Variants in MYO15B observed in about 807,000 individuals in gnomAD.
The protein encoded by MYO15B is myosin XVB.
A neutral mutation model predicts 119.3 loss-of-function variants in MYO15B; 207 were observed. That is an observed-to-expected ratio of 1.73 (90% CI 1.55 to 1.95). The LOEUF (loss-of-function observed/expected upper bound fraction) is 1.95. Ranked by LOEUF, MYO15B falls within the 30% of genes most tolerant of loss-of-function variation. MYO15B has a pLI of 0.00. For synonymous variants in MYO15B, 966 were observed against 498.9 expected (o/e 1.94, Z -12.48); for missense variants, 2,264 against 1,203.1 (o/e 1.88, Z -13.04).
intron 19 of MYO15B, among the ~76,000 whole-genome samples, chr17:75,604,435 A>C (rs2057482453): frequency 6.6e-6 from 1 of 150,620 alleles, no homozygotes; most frequent in African/African-American, 2.4e-5. Flanking sequence ...GACCTGTGAA[A>C]TGTCCTTCAA....
intron 13 of MYO15B, 22 bp downstream of exon 13, chr17:75,596,577 G>A (rs147983901): frequency 4.4e-5 from 31 of 702,742 alleles, no homozygotes; most frequent in East Asian, 2.1e-4. Context: ...GGGCGTGGAC[G>A]TGGCAGGGGC....
At chr17:75,595,790 G>C (rs1296443869) in intron 12 of MYO15B, among the ~76,000 whole-genome samples, 2 of 152,230 alleles carry the variant, frequency 1.3e-5, no homozygotes, top group East Asian at 3.8e-4. Flanking sequence ...GAGTCCCCCA[G>C]TCTCTCTCAG....
At chr17:75,592,505 C>T in exon 8 of MYO15B, 2 of 606,534 alleles carry the variant, frequency 3.3e-6, no homozygotes, top group South Asian at 3.9e-5. Flanking sequence ...AGCGGCTCTC[C>T]CTGCAGGGAC....
rs2056314940 is a variant in MYO15B at position 75,589,662 on chromosome 17, G to A, written c.1605G>A (p.Glu535=). 5.0e-6 allele frequency: 2 copies of A among 398,974 alleles called. No individual in the cohort carries two copies. Among genetic ancestry groups the A allele is most frequent in the Non-Finnish European group, 8.8e-6 (2 of 226,080 alleles). 24.7% of individuals were successfully genotyped at this position (398,974 alleles called of 1,614,324 possible). The stretch of plus-strand genomic sequence containing the variant: ...TCCCCGGCGACCCTTTTGATCAGGA[G>A]GACGAGACTCCAGATCCCAAGTTCG... Residue 535 remains glutamate (E), a synonymous_variant, in exon 1 of 64, where the codon GAG becomes GAA. Coordinates refer to ENST00000645453, the Ensembl canonical transcript of MYO15B. The surrounding 1 kb of genome is among the most constrained non-coding windows in gnomAD (Gnocchi z 4.2).
intron 13 of MYO15B, 53 bp downstream of exon 13, chr17:75,596,608 A>G (rs534049389): frequency 7.1e-6 from 5 of 699,462 alleles, no homozygotes; most frequent in African/African-American, 7.0e-5. Context: ...TTGCCCAGGC[A>G]GAGGCCATCC....
exon 1 of MYO15B, among the ~76,000 whole-genome samples, chr17:75,587,897 T>C (rs377083076): frequency 1.3e-5 from 2 of 152,372 alleles, no homozygotes; most frequent in East Asian, 1.9e-4. Flanking sequence ...TTCTGCATTA[T>C]TGATGGTCCT....
chr17:75,622,199 C>T (rs2058748597), intron 53 of MYO15B, 119 bp downstream of exon 53: 1 of 651,282 alleles, frequency 1.5e-6, no homozygotes, highest in Non-Finnish European at 2.8e-6. Flanking sequence ...ACTGAGCACC[C>T]ATTGCGTGCA....
chr17:75,609,485 A>ATTTTTTTTTTTTTTTT (rs749247022), intron 21 of MYO15B, among the ~76,000 whole-genome samples: 2 of 77,994 alleles, frequency 2.6e-5, no homozygotes, highest in Non-Finnish European at 4.7e-5. Context: ...AAGGGAAATG[A>ATTTTTTTTTTTTTTTT]TTTTTTTTTT....
At chr17:75,609,966 C>T (rs1275553046) in intron 21 of MYO15B, among the ~76,000 whole-genome samples, 200 bp from the exon 22 acceptor site, 1 of 152,198 alleles carries the variant, frequency 6.6e-6, no homozygotes, top group Admixed American at 6.5e-5. Flanking sequence ...GCTGGGATTA[C>T]AGGCATCAGC....
At chr17:75,618,288 T>C in intron 43 of MYO15B, 103 bp downstream of exon 43, 1 of 673,198 alleles carries the variant, frequency 1.5e-6, no homozygotes. Flanking sequence ...TAGGGCATGT[T>C]GGCAGCCAGC....
intron 21 of MYO15B, among the ~76,000 whole-genome samples, chr17:75,606,246 A>C (rs890812330): frequency 1.3e-5 from 2 of 151,898 alleles, no homozygotes; most frequent in African/African-American, 2.4e-5. Flanking sequence ...TACTGAGGCC[A>C]CCTGAACCTG....
At chr17:75,619,738 C>A in exon 46 of MYO15B, 1 of 702,928 alleles carries the variant, frequency 1.4e-6, no homozygotes, top group African/African-American at 1.7e-5. Context: ...GCTGCGACTG[C>A]TCAAGGTGAC....
At position 75,624,885 on chromosome 17, in the gene MYO15B, A is replaced by G. The variant is rs963083310; in HGVS notation, c.8657A>G (p.Asn2886Ser). Residue 2886 changes from asparagine to serine, a missense_variant, in exon 59 of 64, where the codon AAC (asparagine) becomes AGC (serine). Coordinates refer to ENST00000645453, the Ensembl canonical transcript of MYO15B. The stretch of plus-strand genomic sequence containing the variant: ...TGGGAGACCCCACTGCACTTCGATA[A>G]CTCCACCTACATCAGCACCCACTAC... 3 of 702,700 alleles carry G rather than the reference A, an allele frequency of 4.3e-6. No homozygotes were observed. The East Asian group carries it at 8.0e-5, about 19-fold the overall frequency. 43.5% of individuals were successfully genotyped at this position (702,700 alleles called of 1,614,324 possible). A position where few individuals can be genotyped will look rare whatever the true frequency, so the allele number is the denominator to read the frequency against.
At chr17:75,592,983 T>C in intron 9 of MYO15B, 143 bp downstream of exon 9, 1 of 584,084 alleles carries the variant, frequency 1.7e-6, no homozygotes, top group Non-Finnish European at 3.1e-6. Context: ...ACTGTGTAGA[T>C]GAGAAAGCTG....
exon 59 of MYO15B, chr17:75,624,877 C>G (rs1358884414): frequency 5.7e-6 from 4 of 703,044 alleles, no homozygotes; most frequent in African/African-American, 5.2e-5. Flanking sequence ...CCCCACTGCA[C>G]TTCGATAACT....
chr17:75,623,238 C>T lies in MYO15B; in HGVS notation c.8083-543C>T, dbSNP rs554116960. On this transcript the variant is annotated intron_variant, in intron 53 of 63. Transcript: ENST00000645453. ...ACTCGGAAGGTTGAGGCAGGAGAAT[C>T]GCTAGAACCCAGGAGGGTGGAGGTT... 5.3e-5 allele frequency among the ~76,000 whole-genome samples: 8 copies of T among 151,788 alleles called. No homozygotes were observed. The South Asian group carries it at 1.3e-3, about 24-fold the overall frequency.
exon 55 of MYO15B, chr17:75,623,968 T>C: frequency 1.4e-6 from 1 of 703,016 alleles, no homozygotes. Flanking sequence ...CACTCGAGGC[T>C]GGAGCTTCCT....
In MYO15B at chr17:75,616,896, A is replaced by ACG; in HGVS notation, c.6529_6530insCG (p.Lys2177ThrfsTer98). On this transcript the variant is annotated frameshift_variant, in exon 40 of 64. Transcript: ENST00000645453. LOFTEE classifies it high-confidence loss of function. ...GAGGCCTCCCAAAGCTTTCCTGAGGAAAATCGACCCCAAGGACGAGGCTCT... is the reference window on the plus strand; with the variant it reads ...GAGGCCTCCCAAAGCTTTCCTGAGGACGAAATCGACCCCAAGGACGAGGCTCT... 1 of 703,000 alleles carries ACG rather than the reference A, an allele frequency of 1.4e-6. No homozygotes were observed. The highest frequency in any genetic ancestry group is 2.6e-6 in the Non-Finnish European group (1 of 385,016). 43.5% of individuals were successfully genotyped at this position (703,000 alleles called of 1,614,324 possible).
At chr17:75,597,068 AC>A (rs1457507778) in intron 14 of MYO15B, among the ~76,000 whole-genome samples, 169 bp downstream of exon 14, 2 of 151,920 alleles carry the variant, frequency 1.3e-5, no homozygotes, top group South Asian at 4.2e-4. Flanking sequence ...AAGGGGAAGA[AC>A]CCTGGGCTCC....
Sources: gnomAD v4.1 joint callset for allele counts (sites outside exome capture counted in the v4.1 genomes callset) on GRCh38, gnomAD v4.1.1 for gene constraint, Gnocchi (gnomAD v3.1) non-coding constraint, MANE v1.5 for transcripts, NCBI Gene and HGNC (gene_info 2026-07-23, HGNC 2026-07-21) for gene names.